VAC14: variants seen among roughly 807,000 people sequenced by gnomAD.
The protein encoded by VAC14 is VAC14 component of PIKFYVE complex, also known as protein VAC14 homolog.
Under a neutral mutation model 85.3 loss-of-function variants are expected in VAC14, and 47 were observed. The observed-to-expected ratio is 0.55, with a 90% CI of 0.44 to 0.70. VAC14 has a LOEUF of 0.70. VAC14 is among the 30% of genes least tolerant of loss of function. The pLI is 0.00. For synonymous variants in VAC14, 447 were observed against 430.5 expected, an observed-to-expected ratio of 1.04 and a Z score of -0.47; for missense variants, 861 against 1,004.3, an observed-to-expected ratio of 0.86 and a Z score of 1.93.
At chr16:70,792,369 T>G (rs1331926604) in intron 1 of VAC14, among the ~76,000 whole-genome samples, 2 of 152,130 alleles carry the variant, frequency 1.3e-5, no homozygotes, top group Non-Finnish European at 2.9e-5. Context: ...GCCCAGAAAC[T>G]CTCACGATCA....
chr16:70,732,578 C>G (rs2054623120), intron 13 of VAC14, among the ~76,000 whole-genome samples: 1 of 152,084 alleles, frequency 6.6e-6, no homozygotes, highest in Non-Finnish European at 1.5e-5. Context: ...CCAACCTCCA[C>G]AGCTCTGTGA....
chr16:70,713,609 C>G (rs1413130965), intron 14 of VAC14, among the ~76,000 whole-genome samples: 2 of 152,192 alleles, frequency 1.3e-5, no homozygotes, highest in Non-Finnish European at 2.9e-5. Context: ...GAGGCCACAC[C>G]ACTGTGAGTC....
At chr16:70,739,370 C>A (rs973873111) in intron 13 of VAC14, among the ~76,000 whole-genome samples, 1 of 152,112 alleles carries the variant, frequency 6.6e-6, no homozygotes, top group Non-Finnish European at 1.5e-5. Flanking sequence ...GAAGTGGTGG[C>A]GGGCAGCAAA....
In VAC14 at chr16:70,780,912, T is replaced by A; in HGVS notation, c.974A>T (p.Asn325Ile). Reference sequence around the variant, plus strand: ...GGTGACCAGCTTCATCAGGCTCTGGTTGCACACGTTGGCCACTTCTTTGAT... The same window carrying A: ...GGTGACCAGCTTCATCAGGCTCTGGATGCACACGTTGGCCACTTCTTTGAT... Reference protein sequence around the residue: ...KSIKEVANVCNQSLMKLVTPE... With the variant: ...KSIKEVANVCIQSLMKLVTPE... Residue 325 changes from asparagine (N) to isoleucine (I), a missense_variant, in exon 9 of 19, where the codon AAC (asparagine) becomes ATC (isoleucine). Asn to Ile is a moderately radical substitution (Grantham distance 149, BLOSUM62 -3). This residue lies in a region of VAC14 where 629 missense variants were observed against 703.1 expected (regional missense o/e 0.89). Transcript: ENST00000261776. The A allele has an allele frequency of 1.2e-6, 2 of 1,614,184 alleles. No individual in the cohort carries two copies. Among genetic ancestry groups the A allele is most frequent in the Non-Finnish European group, 1.7e-6 (2 of 1,180,034 alleles).
chr16:70,704,605 G>T (rs1218795308), intron 14 of VAC14, among the ~76,000 whole-genome samples: 20 of 152,220 alleles, frequency 1.3e-4, no homozygotes, highest in Non-Finnish European at 1.5e-5. Context: ...GTTCCTGCAG[G>T]CCTGGAGCAG....
At chr16:70,797,901 C>G (rs2034613279) in intron 1 of VAC14, among the ~76,000 whole-genome samples, 1 of 152,170 alleles carries the variant, frequency 6.6e-6, no homozygotes, top group African/African-American at 2.4e-5. Context: ...TGGAAGCATC[C>G]TGAGGCCCCG....
chr16:70,729,907 G>A (rs1026505546), intron 14 of VAC14, among the ~76,000 whole-genome samples: 1 of 152,028 alleles, frequency 6.6e-6, no homozygotes, highest in East Asian at 1.9e-4. Context: ...GGAGAGCCTG[G>A]TACAGCAAAC....
intron 1 of VAC14, among the ~76,000 whole-genome samples, chr16:70,792,746 CA>C (rs1182432364): frequency 6.6e-6 from 1 of 152,198 alleles, no homozygotes; most frequent in Non-Finnish European, 1.5e-5. Context: ...CCAGCACAGC[CA>C]CAGGACCCCT....
At chr16:70,791,910 C>T (rs1006376767) in intron 1 of VAC14, among the ~76,000 whole-genome samples, 1 of 152,134 alleles carries the variant, frequency 6.6e-6, no homozygotes, top group African/African-American at 2.4e-5. Context: ...ACCTAACCTG[C>T]TGGGTTAATC....
intron 1 of VAC14, among the ~76,000 whole-genome samples, chr16:70,795,636 A>G (rs1057480337): frequency 6.6e-6 from 1 of 151,766 alleles, no homozygotes; most frequent in Non-Finnish European, 1.5e-5. Flanking sequence ...AGCTCCAGGG[A>G]CTCGCCTCCC....
intron 9 of VAC14, among the ~76,000 whole-genome samples, chr16:70,774,895 G>A (rs1270953894): frequency 2.6e-5 from 4 of 151,716 alleles, no homozygotes; most frequent in Non-Finnish European, 5.9e-5. Flanking sequence ...ACAGTGGCGC[G>A]CCACCATGCC....
In VAC14 at chr16:70,762,956, G is replaced by T. The variant is rs753447443; in HGVS notation, c.1230C>A (p.Asp410Glu). The T allele has an allele frequency of 1.9e-6, 3 of 1,614,246 alleles. No individual in the cohort carries two copies. Among genetic ancestry groups the T allele is most frequent in the Non-Finnish European group, 1.7e-6 (2 of 1,180,058 alleles). ...TCCTGGTCATCATCCCAATGGCCGTGTCACTGAGGTGGCAGTTTAGGACCT... is the reference window on the plus strand; with the variant it reads ...TCCTGGTCATCATCCCAATGGCCGTTTCACTGAGGTGGCAGTTTAGGACCT... ...IVQVLNCHLS[D>E]TAIGMMTRIA... is the part of the protein sequence containing the mutation. Residue 410 changes from aspartate to glutamate, a missense_variant, in exon 11 of 19, where the codon GAC becomes GAA. By Grantham distance (45) the Asp-to-Glu change is conservative. Coordinates refer to ENST00000261776, the MANE Select transcript of VAC14 (RefSeq NM_018052.5). The surrounding 1 kb of genome is among the most constrained non-coding windows in gnomAD (Gnocchi z 4.1).
intron 9 of VAC14, among the ~76,000 whole-genome samples, chr16:70,780,139 G>A (rs1024867273): frequency 7.3e-5 from 11 of 151,232 alleles, no homozygotes; most frequent in East Asian, 5.9e-4. Flanking sequence ...TACCCAGCCC[G>A]GCCATAAATG....
chr16:70,704,415 C>G (rs950477385), intron 14 of VAC14, among the ~76,000 whole-genome samples: 2 of 152,226 alleles, frequency 1.3e-5, no homozygotes, highest in African/African-American at 4.8e-5. Flanking sequence ...AGGGATAAGA[C>G]AGGTCACTGA....
At chr16:70,788,393 T>C (rs530414932) in intron 1 of VAC14, among the ~76,000 whole-genome samples, 1 of 152,170 alleles carries the variant, frequency 6.6e-6, no homozygotes, top group East Asian at 1.9e-4. Flanking sequence ...GGAGAGGAGA[T>C]GGATGCTTCA....
chr16:70,761,427 C>T (rs911225470), intron 12 of VAC14, among the ~76,000 whole-genome samples: 4 of 152,238 alleles, frequency 2.6e-5, no homozygotes, highest in African/African-American at 9.6e-5. Context: ...TCAGCTTGGA[C>T]CGTCAGCATC....
chr16:70,688,846 G>C, intron 18 of VAC14: 1 of 985,606 alleles, frequency 1.0e-6, no homozygotes, highest in Middle Eastern at 5.2e-4. Context: ...CTCCTGTCCT[G>C]TTCCTACTCA....
At chr16:70,738,163 G>T (rs1410801040) in intron 13 of VAC14, among the ~76,000 whole-genome samples, 1 of 152,226 alleles carries the variant, frequency 6.6e-6, no homozygotes, top group African/African-American at 2.4e-5. Flanking sequence ...GGACAGGGTG[G>T]GGAAGGGGCA....
intron 14 of VAC14, among the ~76,000 whole-genome samples, chr16:70,725,112 C>T (rs980469295): frequency 6.6e-6 from 1 of 152,264 alleles, no homozygotes; most frequent in Non-Finnish European, 1.5e-5. Context: ...GGCCACTTCA[C>T]TCTAATTCGC....
Sources: gnomAD v4.1 joint callset for allele counts (sites outside exome capture counted in the v4.1 genomes callset) on GRCh38, gnomAD v4.1.1 for gene constraint, gnomAD v4.1.1 regional missense constraint, Gnocchi (gnomAD v3.1) non-coding constraint, MANE v1.5 for transcripts, NCBI Gene and HGNC (gene_info 2026-07-23, HGNC 2026-07-21) for gene names.